The following ZNF527 variants were observed in gnomAD, a reference collection of about 807,000 sequenced individuals.
The protein encoded by ZNF527 is zinc finger protein 527.
Under a neutral mutation model 13.5 loss-of-function variants are expected in ZNF527, and 5 were observed. The ratio of observed to expected loss-of-function variants is 0.37; its 90% CI spans 0.19 to 0.78. The LOEUF is 0.78. Ranked by LOEUF, ZNF527 falls within the 30% of genes least tolerant of loss-of-function variation. The pLI is 0.48. For missense variants in ZNF527, 628 were observed against 726.4 expected (o/e 0.86, Z 1.56); for synonymous variants, 209 against 243.1 (o/e 0.86, Z 1.30).
chr19:37,376,730 C>T (rs892594234), intron 2 of ZNF527, among the ~76,000 whole-genome samples: 2 of 112,296 alleles, frequency 1.8e-5, no homozygotes, highest in Non-Finnish European at 3.8e-5. Context: ...GAATGGAAAA[C>T]GAGGAAGGTG....
At chr19:37,374,284 C>T in intron 2 of ZNF527, 53 bp downstream of exon 2, 1 of 1,584,706 alleles carries the variant, frequency 6.3e-7, no homozygotes, top group Non-Finnish European at 8.7e-7. Flanking sequence ...TTTTTCAGGA[C>T]TTTGGGACCA....
intron 2 of ZNF527, among the ~76,000 whole-genome samples, chr19:37,374,878 CAG>C (rs1172585759): frequency 6.6e-6 from 1 of 152,116 alleles, no homozygotes; most frequent in East Asian, 1.9e-4. Flanking sequence ...CAGGTGGAAG[CAG>C]AGAGGCCAGT....
intron 4 of ZNF527, chr19:37,384,779 G>A (rs545402570): frequency 3.7e-6 from 2 of 534,934 alleles, no homozygotes; most frequent in South Asian, 5.3e-5. Context: ...ATATTATTGA[G>A]CATCTTTCCA....
At chr19:37,375,112 T>C (rs895522370) in intron 2 of ZNF527, among the ~76,000 whole-genome samples, 1 of 152,112 alleles carries the variant, frequency 6.6e-6, no homozygotes, top group Non-Finnish European at 1.5e-5. Flanking sequence ...GGAAAGACAA[T>C]GTGAAGTGGG....
chr19:37,380,367 G>T lies in ZNF527; in HGVS notation c.251G>T (p.Cys84Phe). ...GAGAGAAAGATGTCACAGGGTCACT[G>T]TGCAGGTGAGTGACAGATCACCAGG... ...MVERKMSQGH[C>F]ADWESWCEIE... Residue 84 changes from cysteine (C) to phenylalanine (F), a missense_variant, in exon 4 of 5, where the codon TGT becomes TTT. Physicochemically the swap from Cys to Phe is radical, Grantham distance 205. Transcript: ENST00000436120. 1 of 1,613,446 alleles carries T rather than the reference G, an allele frequency of 6.2e-7. No homozygotes were observed. Among genetic ancestry groups the T allele is most frequent in the Non-Finnish European group, 8.5e-7 (1 of 1,179,476 alleles).
At chr19:37,385,569 A>G (rs2040691153) in intron 4 of ZNF527, 3 of 381,668 alleles carry the variant, frequency 7.9e-6, no homozygotes, top group Non-Finnish European at 1.4e-5. Context: ...TATATTATTG[A>G]TTACTTTTGT....
intron 2 of ZNF527, 124 bp downstream of exon 2, chr19:37,374,355 C>T (rs2040582819): frequency 3.5e-6 from 3 of 853,452 alleles, no homozygotes; most frequent in Admixed American, 2.2e-5. Context: ...ACCTTTTGTT[C>T]ATATAATCCT....
rs767552096 is a variant in ZNF527, at chr19:37,379,103, G to T, written c.34-17G>T. 17 of 1,613,892 alleles carry T rather than the reference G, an allele frequency of 1.1e-5. 1 individual carries two copies. Among genetic ancestry groups the T allele is most frequent in the Admixed American group, 8.3e-5 (5 of 59,994 alleles). On this transcript the variant is annotated splice_polypyrimidine_tract_variant and intron_variant, in intron 2 of 4. Transcript: ENST00000436120. ...AGGTGTCTGGGCACCTGGTGAACAA[G>T]AATTTTTTTATTTCAGGGGTTGGTG...
chr19:37,387,906 G>C (rs533705044), intron 4 of ZNF527, among the ~76,000 whole-genome samples: 1 of 152,178 alleles, frequency 6.6e-6, no homozygotes, highest in East Asian at 1.9e-4. Flanking sequence ...ATCCATCCCT[G>C]CCCTCATGGA....
chr19:37,375,255 T>TTTCC (rs2040590155), intron 2 of ZNF527, among the ~76,000 whole-genome samples: 4 of 103,174 alleles, frequency 3.9e-5, no homozygotes, highest in Admixed American at 1.0e-4. Flanking sequence ...TCTTTCTTTC[T>TTTCC]TTCTTTCTTT....
At chr19:37,386,533 A>C (rs2040701148) in intron 4 of ZNF527, among the ~76,000 whole-genome samples, 1 of 152,182 alleles carries the variant, frequency 6.6e-6, no homozygotes, top group African/African-American at 2.4e-5. Context: ...GAGTGCATAA[A>C]ATGTGGCTAG....
intron 2 of ZNF527, among the ~76,000 whole-genome samples, chr19:37,377,343 G>T (rs2040616556): frequency 6.6e-6 from 1 of 152,186 alleles, no homozygotes; most frequent in Non-Finnish European, 1.5e-5. Context: ...TACAGATACA[G>T]AAGGGTAAGT....
In ZNF527 at chr19:37,389,966, G is replaced by A; in HGVS notation, c.*87G>A. The A allele has an allele frequency of 6.9e-7, 1 of 1,456,612 alleles. No individual in the cohort carries two copies. The highest frequency in any genetic ancestry group is 9.1e-7 in the Non-Finnish European group (1 of 1,097,184). The allele number at this position is 1,456,612 out of a possible 1,614,324, so 90.2% of individuals were successfully genotyped here. On this transcript the variant is annotated 3_prime_UTR_variant, in exon 5 of 5. Transcript: ENST00000436120. ...AGTTCTTTTTGGTTAGTAATTCTTT[G>A]AATGTAGTTCATATTTCAGTTCATG...
In ZNF527 at chr19:37,388,887, G is replaced by A. The variant is rs2040724145; in HGVS notation, c.838G>A (p.Gly280Ser). Residue 280 changes from glycine to serine, a missense_variant, in exon 5 of 5, where the codon GGT (glycine) becomes AGT (serine). By Grantham distance (56) the Gly-to-Ser change is moderately conservative (BLOSUM62 0). Transcript: ENST00000436120. ...ATTACCCCATGGATACGATGAATGT[G>A]GTGATGCCTTTAGCTGTTACTCATT... ...GKLPHGYDEC[G>S]DAFSCYSFFT... is the part of the protein sequence containing the mutation. 3.1e-6 allele frequency: 5 copies of A among 1,614,052 alleles called. No homozygotes were observed. The highest frequency in any genetic ancestry group is 3.4e-6 in the Non-Finnish European group (4 of 1,180,044).
chr19:37,391,754 C>T lies in ZNF527; in HGVS notation c.*1875C>T, dbSNP rs531376665. On this transcript the variant is annotated 3_prime_UTR_variant, in exon 5 of 5. Coordinates refer to ENST00000436120, the MANE Select transcript of ZNF527 (RefSeq NM_032453.2). ...TGCCTAAAATTTTTAGAGACTAAAT[C>T]ATTTCCATTATTGGGAGTAATGAGG... 6 of 152,004 alleles carry T rather than the reference C, an allele frequency of 3.9e-5. No individual in the cohort carries two copies. The highest frequency in any genetic ancestry group is 5.9e-5 in the Non-Finnish European group (4 of 67,992). The allele number at this position is 152,004 out of a possible 1,614,324, so 9.4% of individuals were successfully genotyped here. A position where few individuals can be genotyped will look rare whatever the true frequency, so the allele number is the denominator to read the frequency against.
Position 37,388,636 on chromosome 19 carries a change from A to T in ZNF527, c.587A>T (p.Tyr196Phe). 1 of 1,613,796 alleles carries T rather than the reference A, an allele frequency of 6.2e-7. No individual in the cohort carries two copies. The highest frequency in any genetic ancestry group is 8.5e-7 in the Non-Finnish European group (1 of 1,179,904). The change falls in exon 5 of 5, where the codon TAT becomes TTT. Residue 196 changes from tyrosine (Y) to phenylalanine (F), a missense_variant. By Grantham distance (22) the Tyr-to-Phe change is conservative. This residue lies in a region of ZNF527 where 592 missense variants were observed against 678.0 expected (regional missense o/e 0.87). Coordinates refer to ENST00000436120, the MANE Select transcript of ZNF527 (RefSeq NM_032453.2). ...TIQQVHKFDI[Y>F]DKLFPQNSVI... ...CAGCAAGTACATAAATTTGATATTT[A>T]TGATAAACTCTTCCCCCAAAATTCA... is the stretch of plus-strand genomic sequence containing the variant.
At chr19:37,386,962 TCTCAGGC>T (rs71177446) in intron 4 of ZNF527, among the ~76,000 whole-genome samples, 22,442 of 152,068 alleles carry the variant, frequency 0.15, 1,857 homozygotes, top group South Asian at 0.31. Flanking sequence ...GAACAAGGCC[TCTCAGGC>T]CTGGGTGTAG....
rs1285459662 is a variant in ZNF527 at position 37,389,930 on chromosome 19, A to C, written c.*51A>C. ...ATGTGGTTACCACTCAATCCTTATT[A>C]AATATTAGTGAGTTCTTTTTGGTTA... On this transcript the variant is annotated 3_prime_UTR_variant, in exon 5 of 5. Transcript: ENST00000436120. 9 of 1,512,666 alleles carry C rather than the reference A, an allele frequency of 5.9e-6. No individual in the cohort carries two copies. The highest frequency in any genetic ancestry group is 7.9e-6 in the Non-Finnish European group (9 of 1,140,014). 93.7% of individuals were successfully genotyped at this position (1,512,666 alleles called of 1,614,324 possible).
At chr19:37,375,950 G>A (rs558537684) in intron 2 of ZNF527, among the ~76,000 whole-genome samples, 4 of 152,306 alleles carry the variant, frequency 2.6e-5, no homozygotes, top group South Asian at 4.1e-4. Context: ...AGAACTCACC[G>A]TTGGATTTGG....
Sources: gnomAD v4.1 joint callset for allele counts (sites outside exome capture counted in the v4.1 genomes callset) on GRCh38, gnomAD v4.1.1 for gene constraint, gnomAD v4.1.1 regional missense constraint, MANE v1.5 for transcripts, NCBI Gene and HGNC (gene_info 2026-07-23, HGNC 2026-07-21) for gene names.